TSFM: variants seen among roughly 807,000 people sequenced by gnomAD.
TSFM encodes Ts translation elongation factor, mitochondrial.
A neutral mutation model predicts 33.4 loss-of-function variants in TSFM; 29 were observed. The observed-to-expected ratio is 0.87, with a 90% confidence interval of 0.65 to 1.18. The LOEUF is 1.18. TSFM is among the 50% of genes most tolerant of loss of function. TSFM has a pLI of 0.00. For missense variants in TSFM, 394 were observed against 395.6 expected, an observed-to-expected ratio of 1.00 and a Z score of 0.04; for synonymous variants, 178 against 163.5, an observed-to-expected ratio of 1.09 and a Z score of -0.68.
downstream of TSFM, chr12:57,802,230 A>G: frequency 6.2e-7 from 1 of 1,614,122 alleles, no homozygotes; most frequent in Non-Finnish European, 8.5e-7. Context: ...CTGCTTAATG[A>G]TCAGGATTGG....
downstream of TSFM, chr12:57,799,975 T>C: frequency 6.2e-7 from 1 of 1,604,016 alleles, no homozygotes; most frequent in African/African-American, 1.3e-5. Context: ...GTCTGTGTGG[T>C]TACAGTTCTG....
At chr12:57,790,148 C>G (rs984838400) in intron 4 of TSFM, among the ~76,000 whole-genome samples, 2 of 144,926 alleles carry the variant, frequency 1.4e-5, no homozygotes, top group African/African-American at 2.6e-5. Context: ...GCTGCTACCT[C>G]TGCCTCCTGG....
At chr12:57,798,160 G>C (rs1355505250), downstream of TSFM, among the ~76,000 whole-genome samples, 1 of 152,204 alleles carries the variant, frequency 6.6e-6, no homozygotes, top group Non-Finnish European at 1.5e-5. Context: ...TCATTGGAGA[G>C]GTGTTCTTCA....
rs764183902 is a variant in TSFM at position 57,796,392 on chromosome 12, A to T, written c.787A>T (p.Met263Leu). ...GRRLGQHVVG[M>L]APLSVGSLDD... Reference sequence around the variant, plus strand: ...CCGCCTTGGGCAGCATGTGGTGGGCATGGCCCCCCTCTCTGTTGGCTCCCT... The same window carrying T: ...CCGCCTTGGGCAGCATGTGGTGGGCTTGGCCCCCCTCTCTGTTGGCTCCCT... Residue 263 changes from methionine to leucine, a missense_variant, in exon 6 of 6, where the codon ATG becomes TTG. Transcript: ENST00000652027. 57 of 1,602,706 alleles carry T rather than the reference A, an allele frequency of 3.6e-5. No homozygotes were observed. The highest frequency in any genetic ancestry group is 4.6e-5 in the Non-Finnish European group (54 of 1,174,532).
In TSFM at chr12:57,783,228, A is replaced by G. The variant is rs759556471; in HGVS notation, c.176A>G (p.Tyr59Cys). ...ATGAAGCTGCGGCGGAAAACAGGCT[A>G]CTCCTTTGTAAATTGCAAGAAAGCT... ...LLMKLRRKTG[Y>C]SFVNCKKALE... Residue 59 changes from tyrosine (Y) to cysteine (C), a missense_variant, in exon 2 of 6, where the codon TAC (tyrosine) becomes TGC (cysteine). Physicochemically the swap from Tyr to Cys is radical, Grantham distance 194. Around this residue, in one of 3 missense-constraint regions of TSFM, gnomAD observed 208 missense variants for 180.4 expected, o/e 1.15. Transcript: ENST00000652027. 5 of 1,613,352 alleles carry G rather than the reference A, an allele frequency of 3.1e-6. No homozygotes were observed. Among genetic ancestry groups the G allele is most frequent in the East Asian group, 4.5e-5 (2 of 44,862 alleles).
intron 4 of TSFM, among the ~76,000 whole-genome samples, chr12:57,787,806 A>G (rs575985120): frequency 3.3e-5 from 5 of 152,268 alleles, no homozygotes; most frequent in Non-Finnish European, 1.5e-5. Context: ...GCTTGCCTGT[A>G]ATCCCAGCTA....
rs1335196256 is a variant in TSFM at position 57,787,073 on chromosome 12, T to A, written c.394T>A (p.Leu132Ile). The part of the protein sequence containing the change: ...NCETDFVSRN[L>I]KFQLLVQQVA... ...TGAGACAGATTTTGTTTCTAGAAAT[T>A]TAAAATTTCAACTGTTGGTCCAGCA... is the stretch of plus-strand genomic sequence containing the variant. The change falls in exon 4 of 6, where the codon TTA becomes ATA. Residue 132 changes from leucine to isoleucine, a missense_variant. Physicochemically the swap from Leu to Ile is conservative, Grantham distance 5. This residue lies in a region of TSFM where 208 missense variants were observed against 180.4 expected (regional missense o/e 1.15). Transcript: ENST00000652027. 2 of 1,613,214 alleles carry A rather than the reference T, an allele frequency of 1.2e-6. No homozygotes were observed. Among genetic ancestry groups the A allele is most frequent in the African/African-American group, 1.3e-5 (1 of 74,918 alleles).
downstream of TSFM, among the ~76,000 whole-genome samples, chr12:57,799,418 G>T (rs1955801002): frequency 1.3e-5 from 2 of 152,220 alleles, no homozygotes; most frequent in Non-Finnish European, 2.9e-5. Context: ...TTTAAATGTA[G>T]TGGGAAGCTA....
chr12:57,785,501 T>G (rs941001049), intron 2 of TSFM, among the ~76,000 whole-genome samples: 1 of 152,192 alleles, frequency 6.6e-6, no homozygotes, highest in Admixed American at 6.5e-5. Flanking sequence ...GGAGTCTCAC[T>G]TTGTCACCCA....
At chr12:57,783,699 T>G (rs1373016663) in intron 2 of TSFM, 3 of 589,902 alleles carry the variant, frequency 5.1e-6, no homozygotes, top group Non-Finnish European at 9.4e-6. Context: ...GTTCAAGCGA[T>G]TCTCCTGCCT....
chr12:57,785,842 C>G (rs1012056677), intron 2 of TSFM, among the ~76,000 whole-genome samples: 1 of 152,160 alleles, frequency 6.6e-6, no homozygotes, highest in Non-Finnish European at 1.5e-5. Flanking sequence ...AGGAATTTTT[C>G]AGCTCCATTA....
intron 5 of TSFM, 99 bp from the exon 6 acceptor site, chr12:57,796,078 G>A: frequency 1.9e-6 from 2 of 1,066,564 alleles, no homozygotes; most frequent in South Asian, 1.7e-5. Context: ...AAATGCAAAG[G>A]GACTGTCTTC....
At chr12:57,797,791 G>C, downstream of TSFM, 2 of 1,045,318 alleles carry the variant, frequency 1.9e-6, no homozygotes, top group Non-Finnish European at 2.6e-6. Context: ...GTAGCTGAAT[G>C]TCAGGCAGAA....
chr12:57,797,748 C>T (rs759698187), downstream of TSFM: 15 of 735,762 alleles, frequency 2.0e-5, no homozygotes, highest in South Asian at 7.5e-5. Context: ...GAGAACATGC[C>T]GTGATTTGCA....
At chr12:57,787,661 G>A (rs190667940) in intron 4 of TSFM, among the ~76,000 whole-genome samples, 1 of 152,300 alleles carries the variant, frequency 6.6e-6, no homozygotes, top group East Asian at 1.9e-4. Context: ...AGGTGTGGTG[G>A]CTCACCCCTG....
At chr12:57,793,485 G>A (rs973905944) in intron 5 of TSFM, among the ~76,000 whole-genome samples, 1 of 152,162 alleles carries the variant, frequency 6.6e-6, no homozygotes, top group African/African-American at 2.4e-5. Context: ...GCCTCCCAAA[G>A]TGCTGGGATT....
At chr12:57,802,683 T>C (rs1240978696), downstream of TSFM, 1 of 626,870 alleles carries the variant, frequency 1.6e-6, no homozygotes, top group Non-Finnish European at 2.9e-6. Context: ...TCTTCTTTAC[T>C]AAACTTGTAT....
In TSFM at chr12:57,783,846, C is replaced by A. The variant is rs528201191; in HGVS notation, c.231+563C>A. On this transcript the variant is annotated intron_variant, in intron 2 of 5. Transcript: ENST00000652027. ...GGCCAGGCTGGTCTCGAACTCCTGG[C>A]CTCAGGTGATCCGCCCGCCTCGGCT... 3.2e-5 allele frequency: 21 copies of A among 658,892 alleles called. No individual in the cohort carries two copies. In the African/African-American group the frequency reaches 3.2e-4, roughly 10 times the overall value. 40.8% of individuals were successfully genotyped at this position (658,892 alleles called of 1,614,324 possible). A position where few individuals can be genotyped will look rare whatever the true frequency, so the allele number is the denominator to read the frequency against.
intron 4 of TSFM, among the ~76,000 whole-genome samples, chr12:57,788,992 G>A (rs1384782411): frequency 3.5e-5 from 5 of 141,754 alleles, no homozygotes; most frequent in Admixed American, 7.4e-5. Flanking sequence ...TTGAGATGGA[G>A]TCTCTCTGTC....
Sources: gnomAD v4.1 joint callset for allele counts (sites outside exome capture counted in the v4.1 genomes callset) on GRCh38, gnomAD v4.1.1 for gene constraint, gnomAD v4.1.1 regional missense constraint, MANE v1.5 for transcripts, NCBI Gene and HGNC (gene_info 2026-07-23, HGNC 2026-07-21) for gene names.